MSRA: variants seen among roughly 807,000 people sequenced by gnomAD.
MSRA encodes the protein mitochondrial peptide methionine sulfoxide reductase.
MSRA carries 54 observed loss-of-function variants against 31.3 expected under a neutral mutation model. The observed-to-expected ratio is 1.73, with a 90% CI of 1.39 to 2.17. The LOEUF is 2.17. Among genes scored for constraint, MSRA ranks in the 30% most tolerant of loss-of-function variants. The pLI is 0.00. For missense variants in MSRA, 507 were observed against 300.9 expected (o/e 1.69, Z -5.07); for synonymous variants, 169 against 116.5 (o/e 1.45, Z -2.90).
At chr8:10,231,348 C>G (rs142626063) in intron 2 of MSRA, among the ~76,000 whole-genome samples, 4,270 of 152,274 alleles carry the variant, frequency 0.028, 126 homozygotes, top group South Asian at 0.12. Context: ...GGACTCCCAG[C>G]TTTTCTGTGA....
intron 1 of MSRA, among the ~76,000 whole-genome samples, chr8:10,174,349 A>G (rs903853088): frequency 9.2e-5 from 14 of 152,124 alleles, no homozygotes; most frequent in African/African-American, 3.1e-4. Context: ...GAGCGAAGGC[A>G]TGGCTAGGGG....
At chr8:10,278,365 A>G (rs924265458) in intron 3 of MSRA, among the ~76,000 whole-genome samples, 6 of 152,208 alleles carry the variant, frequency 3.9e-5, no homozygotes, top group African/African-American at 1.2e-4. Flanking sequence ...AGATCCAGCA[A>G]ATGTACCGTG....
At chr8:10,396,219 G>C (rs897324386) in intron 5 of MSRA, among the ~76,000 whole-genome samples, 1 of 152,218 alleles carries the variant, frequency 6.6e-6, no homozygotes, top group Non-Finnish European at 1.5e-5. Context: ...CCTCCAGGAA[G>C]AAGCGTTTCC....
At chr8:10,346,318 G>A (rs1196875651) in intron 5 of MSRA, among the ~76,000 whole-genome samples, 3 of 152,284 alleles carry the variant, frequency 2.0e-5, no homozygotes, top group South Asian at 2.1e-4. Context: ...CGCTCAGCAT[G>A]CATTTCATAG....
intron 3 of MSRA, among the ~76,000 whole-genome samples, chr8:10,301,172 C>G (rs1800823901): frequency 2.0e-5 from 3 of 152,194 alleles, no homozygotes; most frequent in African/African-American, 7.2e-5. Flanking sequence ...TAAATTGGCT[C>G]TTTCCCTTTG....
chr8:10,159,684 G>T (rs1269284917), intron 1 of MSRA, among the ~76,000 whole-genome samples: 1 of 152,144 alleles, frequency 6.6e-6, no homozygotes, highest in Non-Finnish European at 1.5e-5. Flanking sequence ...AGGGGAGGGG[G>T]TTGCCTCTTG....
chr8:10,283,160 A>ACTCTCTCTCTCTCTCTCTCTCTCTCT (rs71521648), intron 3 of MSRA, among the ~76,000 whole-genome samples: 2 of 140,228 alleles, frequency 1.4e-5, no homozygotes, highest in Admixed American at 7.1e-5. Flanking sequence ...ACACACACAC[A>ACTCTCTCTCTCTCTCTCTCTCTCTCT]CTCTCACCCT....
chr8:10,212,174 G>A (rs890371847), intron 2 of MSRA, among the ~76,000 whole-genome samples: 11 of 151,216 alleles, frequency 7.3e-5, no homozygotes, highest in South Asian at 4.2e-4. Flanking sequence ...GTAACAGAGC[G>A]AGACTCTGTC....
intron 1 of MSRA, among the ~76,000 whole-genome samples, chr8:10,122,005 G>A (rs1036643024): frequency 6.6e-6 from 1 of 152,042 alleles, no homozygotes; most frequent in African/African-American, 2.4e-5. Context: ...AGAAAACATG[G>A]GGTTGTGCCT....
intron 1 of MSRA, among the ~76,000 whole-genome samples, chr8:10,199,855 A>G (rs1451421495): frequency 2.0e-5 from 3 of 152,054 alleles, no homozygotes; most frequent in African/African-American, 7.3e-5. Context: ...GATCTGTGAA[A>G]TTTATCTTTG....
At chr8:10,273,206 C>T (rs1021491915) in intron 3 of MSRA, among the ~76,000 whole-genome samples, 2 of 152,144 alleles carry the variant, frequency 1.3e-5, no homozygotes, top group African/African-American at 4.8e-5. Context: ...GCATTTAAGT[C>T]GATTAGCATT....
intron 5 of MSRA, among the ~76,000 whole-genome samples, chr8:10,328,539 T>A (rs1451897074): frequency 6.6e-6 from 1 of 152,110 alleles, no homozygotes; most frequent in African/African-American, 2.4e-5. Flanking sequence ...GTGATATTCC[T>A]CAGTGTACCT....
At chr8:10,266,818 C>A (rs891233901) in intron 3 of MSRA, among the ~76,000 whole-genome samples, 8 of 152,182 alleles carry the variant, frequency 5.3e-5, no homozygotes, top group African/African-American at 1.7e-4. Flanking sequence ...ATTAAGGTCA[C>A]TTTACCCACC....
chr8:10,261,090 A>G (rs1036179961), intron 3 of MSRA, among the ~76,000 whole-genome samples: 2 of 152,168 alleles, frequency 1.3e-5, no homozygotes, highest in African/African-American at 4.8e-5. Flanking sequence ...AACAAAAGTA[A>G]TTCTTGCTAG....
chr8:10,250,545 C>T (rs1797861700), intron 3 of MSRA: 1 of 691,250 alleles, frequency 1.4e-6, no homozygotes. Flanking sequence ...AAGATTTACA[C>T]AAGCAGCACG....
intron 5 of MSRA, among the ~76,000 whole-genome samples, chr8:10,356,838 A>G (rs1356931833): frequency 6.6e-6 from 1 of 151,206 alleles, no homozygotes; most frequent in Non-Finnish European, 1.5e-5. Context: ...CAGCCCGAAC[A>G]GATCAACACA....
rs145204333 is a variant in MSRA at position 10,068,437 on chromosome 8, T to C, written c.142+13779T>C. On this transcript the variant is annotated intron_variant, in intron 1 of 5. Transcript: ENST00000317173. ...TTCTCCTGTGTTATCTTCTAGGATT[T>C]GTATAGCTTTGCATTTAGCTATGTG... Among the ~76,000 whole-genome samples, 231 of 152,358 alleles carry C rather than the reference T, an allele frequency of 1.5e-3. 3 individuals carry two copies. Among genetic ancestry groups the C allele is most frequent in the African/African-American group, 5.3e-3 (222 of 41,580 alleles).
intron 3 of MSRA, among the ~76,000 whole-genome samples, chr8:10,269,524 T>C (rs1415985667): frequency 6.6e-6 from 1 of 152,234 alleles, no homozygotes; most frequent in Non-Finnish European, 1.5e-5. Flanking sequence ...AACAGGGAAG[T>C]GTTACCTACA....
At chr8:10,222,149 G>A (rs75424054) in intron 2 of MSRA, among the ~76,000 whole-genome samples, 1 of 151,966 alleles carries the variant, frequency 6.6e-6, no homozygotes, top group East Asian at 1.9e-4. Context: ...GAGAGATGCA[G>A]CAGGAATACC....
Sources: allele counts gnomAD v4.1 joint callset (sites outside exome capture counted in the v4.1 genomes callset), GRCh38; gene constraint gnomAD v4.1.1; transcripts MANE v1.5; gene names NCBI Gene and HGNC (gene_info 2026-07-23, HGNC 2026-07-21).